The following TRPM3 variants were observed in gnomAD, a reference collection of about 807,000 sequenced individuals.
TRPM3 encodes the protein long transient receptor potential channel 3.
A neutral mutation model predicts 181.2 loss-of-function variants in TRPM3; 77 were observed. The observed-to-expected ratio is 0.42, with a 90% CI of 0.35 to 0.51. The LOEUF (loss-of-function observed/expected upper bound fraction) is 0.51, where lower values mean the gene tolerates loss of function less well. TRPM3 is among the 20% of genes least tolerant of loss of function. TRPM3 has a pLI of 0.01. For synonymous variants in TRPM3, 745 were observed against 796.4 expected, an observed-to-expected ratio of 0.94 and a Z score of 1.09; for missense variants, 1,759 against 2,196.7, an observed-to-expected ratio of 0.80 and a Z score of 3.98.
At chr9:70,998,374 T>C (rs1017248766) in intron 1 of TRPM3, among the ~76,000 whole-genome samples, 2 of 151,960 alleles carry the variant, frequency 1.3e-5, no homozygotes, top group Non-Finnish European at 2.9e-5. Flanking sequence ...CAATTTTAGG[T>C]TTGCAGCAAA....
intron 1 of TRPM3, among the ~76,000 whole-genome samples, chr9:71,392,392 A>T (rs1434436514): frequency 1.3e-5 from 2 of 152,096 alleles, no homozygotes; most frequent in Non-Finnish European, 2.9e-5. Flanking sequence ...AGACATGTCC[A>T]GAAAGATGGC....
intron 1 of TRPM3, among the ~76,000 whole-genome samples, chr9:70,924,459 C>T (rs7854433): frequency 0.026 from 4,025 of 152,214 alleles, 189 homozygotes; most frequent in African/African-American, 0.092. Context: ...CAATCAGTTC[C>T]ATTTCCAGTA....
chr9:70,958,143 G>A (rs1009391044), intron 1 of TRPM3, among the ~76,000 whole-genome samples: 3 of 152,132 alleles, frequency 2.0e-5, no homozygotes, highest in Non-Finnish European at 4.4e-5. Context: ...GCTACTATGT[G>A]ATATCAGCAA....
intron 1 of TRPM3, among the ~76,000 whole-genome samples, chr9:71,396,765 C>T (rs566276543): frequency 2.9e-4 from 44 of 151,890 alleles, no homozygotes; most frequent in Non-Finnish European, 6.2e-4. Context: ...GATTGAGACC[C>T]ATCCTGGCTA....
At chr9:70,600,797 T>C (rs2059774584) in intron 20 of TRPM3, among the ~76,000 whole-genome samples, 1 of 152,214 alleles carries the variant, frequency 6.6e-6, no homozygotes, top group Admixed American at 6.5e-5. Flanking sequence ...AGGGGGTTGA[T>C]GGGCAATGCC....
chr9:71,134,006 TGTGTGTGTGC>T (rs1420520441), intron 1 of TRPM3, among the ~76,000 whole-genome samples: 7 of 66,012 alleles, frequency 1.1e-4, no homozygotes, highest in Admixed American at 6.2e-4. Context: ...TGTGTGTGTG[TGTGTGTGTGC>T]GCGTGCGCGC....
At chr9:70,979,711 A>C (rs11142658) in intron 1 of TRPM3, among the ~76,000 whole-genome samples, 59,292 of 152,020 alleles carry the variant, frequency 0.39, 11,936 homozygotes, top group Non-Finnish European at 0.44. Flanking sequence ...TGCCATAATA[A>C]AATATCAAAG....
chr9:70,807,582 T>C (rs2090975094), intron 6 of TRPM3, among the ~76,000 whole-genome samples: 1 of 152,234 alleles, frequency 6.6e-6, no homozygotes, highest in Non-Finnish European at 1.5e-5. Context: ...GTGATGCTTA[T>C]AATAACAAGT....
intron 1 of TRPM3, among the ~76,000 whole-genome samples, chr9:71,180,775 T>G (rs2077357112): frequency 1.3e-5 from 2 of 152,136 alleles, no homozygotes; most frequent in African/African-American, 4.8e-5. Flanking sequence ...TTTGAAATTT[T>G]TTGACCCCAG....
chr9:71,063,323 T>C (rs575193181), intron 1 of TRPM3, among the ~76,000 whole-genome samples: 1 of 152,144 alleles, frequency 6.6e-6, no homozygotes, highest in Admixed American at 6.5e-5. Context: ...AGAATTCTTT[T>C]ATGAAATCAG....
At chr9:70,859,554 T>C (rs2095473775) in intron 3 of TRPM3, among the ~76,000 whole-genome samples, 1 of 152,218 alleles carries the variant, frequency 6.6e-6, no homozygotes, top group African/African-American at 2.4e-5. Flanking sequence ...AGATGTTCCA[T>C]ACATTTTAGT....
intron 1 of TRPM3, among the ~76,000 whole-genome samples, chr9:71,050,620 G>A (rs928675922): frequency 2.0e-5 from 3 of 152,202 alleles, no homozygotes; most frequent in Non-Finnish European, 4.4e-5. Flanking sequence ...GGCTAGAAGT[G>A]TCACTTTTAG....
At chr9:71,183,273 C>T (rs901636879) in intron 1 of TRPM3, among the ~76,000 whole-genome samples, 3 of 152,106 alleles carry the variant, frequency 2.0e-5, no homozygotes, top group African/African-American at 7.2e-5. Flanking sequence ...TTTGTCCTCA[C>T]CACTACCTGT....
In TRPM3 at chr9:71,066,570, G is replaced by C. The variant is rs148190926; in HGVS notation, c.177+54608C>G. ...TTTAATACTGTTTTGCAACAGCTTA[G>C]AACAGAGAGGGCCTCTGATGGTCTT... On this transcript the variant is annotated intron_variant, in intron 1 of 25. Transcript: ENST00000677713. Among the ~76,000 whole-genome samples the C allele has an allele frequency of 4.2e-3, 633 of 152,274 alleles. 8 individuals carry two copies. Among genetic ancestry groups the C allele is most frequent in the African/African-American group, 0.015 (616 of 41,562 alleles).
At chr9:70,765,074 C>T (rs1389868915) in intron 7 of TRPM3, among the ~76,000 whole-genome samples, 1 of 152,138 alleles carries the variant, frequency 6.6e-6, no homozygotes, top group Non-Finnish European at 1.5e-5. Context: ...TTTCATTTTG[C>T]AGAAGAGAAA....
At chr9:70,873,071 C>A (rs1246433041) in intron 1 of TRPM3, among the ~76,000 whole-genome samples, 1 of 151,648 alleles carries the variant, frequency 6.6e-6, no homozygotes, top group African/African-American at 2.4e-5. Flanking sequence ...AAAAAATGAG[C>A]CCATCAAAAA....
intron 22 of TRPM3, among the ~76,000 whole-genome samples, chr9:70,566,920 G>C (rs908662481): frequency 1.3e-5 from 2 of 152,336 alleles, no homozygotes; most frequent in East Asian, 3.9e-4. Context: ...CCAAGAGAAA[G>C]CTGATTTCTA....
rs538136206 is a variant in TRPM3 at position 71,009,640 on chromosome 9, T to C, written c.177+111538A>G. Among the ~76,000 whole-genome samples, 7 of 152,252 alleles carry C rather than the reference T, an allele frequency of 4.6e-5. No individual in the cohort carries two copies. In the South Asian group the frequency reaches 1.4e-3, roughly 32 times the overall value. Reference sequence around the variant, plus strand: ...TCATGGACTGGATGAATTAATATTGTTAAAATGTTCCTATTACTCACAGTG... The same window carrying C: ...TCATGGACTGGATGAATTAATATTGCTAAAATGTTCCTATTACTCACAGTG... On this transcript the variant is annotated intron_variant, in intron 1 of 25. Transcript: ENST00000677713.
Position 71,332,403 on chromosome 9 carries a change from G to GTT in TRPM3, c.183+114249_183+114250insAA, listed in dbSNP as rs1212866566. ...TGTGTGTGTGTGTGTGTGTGTGTGT[G>GTT]TGTGTGTGTTTCAGCACAGAACTCT... On this transcript the variant is annotated intron_variant, in intron 1 of 24. Transcript: ENST00000357533. 2.0e-5 allele frequency among the ~76,000 whole-genome samples: 3 copies of GTT among 149,832 alleles called. 1 individual carries two copies. Among genetic ancestry groups the GTT allele is most frequent in the African/African-American group, 7.5e-5 (3 of 39,794 alleles).
Sources: gnomAD v4.1 joint callset for allele counts (sites outside exome capture counted in the v4.1 genomes callset) on GRCh38, gnomAD v4.1.1 for gene constraint, MANE v1.5 for transcripts, NCBI Gene and HGNC (gene_info 2026-07-23, HGNC 2026-07-21) for gene names.